Variants in ABCA13 observed in about 807,000 individuals in gnomAD.
ABCA13 encodes the protein ATP binding cassette subfamily A member 13, also known as ATP-binding cassette sub-family A member 13.
Under a neutral mutation model 478.7 loss-of-function variants are expected in ABCA13, and 476 were observed. The observed-to-expected ratio is 0.99, with a 90% CI of 0.92 to 1.07. The LOEUF is 1.07. Among genes scored for constraint, ABCA13 ranks in the 50% least tolerant of loss-of-function variants. ABCA13 has a pLI of 0.00. For synonymous variants in ABCA13, 2,252 were observed against 2,158.9 expected, an observed-to-expected ratio of 1.04 and a Z score of -1.20; for missense variants, 6,060 against 5,910.6, an observed-to-expected ratio of 1.03 and a Z score of -0.83.
intron 29 of ABCA13, among the ~76,000 whole-genome samples, chr7:48,339,309 AT>A (rs1267075192): frequency 6.6e-6 from 1 of 152,246 alleles, no homozygotes; most frequent in Non-Finnish European, 1.5e-5. Context: ...GGTTAATCAT[AT>A]TTTAAAATGT....
chr7:48,225,687 CTGTT>C (rs1401134983), intron 5 of ABCA13, among the ~76,000 whole-genome samples: 2 of 152,106 alleles, frequency 1.3e-5, no homozygotes, highest in Non-Finnish European at 2.9e-5. Flanking sequence ...TGCCTGATGT[CTGTT>C]CGTGATTGCA....
intron 1 of ABCA13, among the ~76,000 whole-genome samples, chr7:48,184,054 T>A (rs1584016713): frequency 6.6e-6 from 1 of 152,374 alleles, no homozygotes; most frequent in Middle Eastern, 3.4e-3. Flanking sequence ...AGCTTACTAA[T>A]ATTGTCAAAT....
At chr7:48,305,310 T>C (rs529631759) in intron 23 of ABCA13, among the ~76,000 whole-genome samples, 3 of 152,226 alleles carry the variant, frequency 2.0e-5, no homozygotes, top group South Asian at 2.1e-4. Flanking sequence ...TCAGTCCTTC[T>C]GGCCAGGTTC....
intron 55 of ABCA13, among the ~76,000 whole-genome samples, chr7:48,565,460 A>G (rs1260612291): frequency 6.6e-5 from 10 of 152,070 alleles, no homozygotes; most frequent in Admixed American, 6.6e-4. Context: ...AGTGATGTTT[A>G]AATACCAATC....
chr7:48,324,581 G>A (rs909235727), intron 27 of ABCA13, among the ~76,000 whole-genome samples: 5 of 152,154 alleles, frequency 3.3e-5, no homozygotes, highest in Non-Finnish European at 7.4e-5. Flanking sequence ...TGGTTTTGCA[G>A]CTGGTTATGG....
At chr7:48,263,195 G>A (rs1413006756) in intron 15 of ABCA13, among the ~76,000 whole-genome samples, 1 of 151,854 alleles carries the variant, frequency 6.6e-6, no homozygotes, top group African/African-American at 2.4e-5. Flanking sequence ...TTAAGAAGAC[G>A]CCTAGATGAC....
chr7:48,305,804 G>C (rs1293156715), intron 23 of ABCA13, among the ~76,000 whole-genome samples: 2 of 152,178 alleles, frequency 1.3e-5, no homozygotes, highest in East Asian at 3.9e-4. Flanking sequence ...AAGTGTGTAT[G>C]AGCCAGGCTC....
At chr7:48,404,194 C>T (rs545884115) in intron 39 of ABCA13, 1 of 348,278 alleles carries the variant, frequency 2.9e-6, no homozygotes, top group South Asian at 2.2e-5. Flanking sequence ...AAGAGGCATC[C>T]CAGATCATAG....
At chr7:48,527,772 C>CACACAT (rs1209801717) in intron 54 of ABCA13, among the ~76,000 whole-genome samples, 2 of 152,096 alleles carry the variant, frequency 1.3e-5, no homozygotes, top group Non-Finnish European at 2.9e-5. Context: ...GCACTACACA[C>CACACAT]ACACATACAC....
chr7:48,398,346 C>T lies in ABCA13; in HGVS notation c.11874-5337C>T, dbSNP rs542810456. On this transcript the variant is annotated intron_variant, in intron 38 of 61. Transcript: ENST00000435803. Reference sequence around the variant, plus strand: ...GCCAGGCAACCTTAATGATTATCAGCGCACAGAGTGTTACCTAGCAACAAA... The same window carrying T: ...GCCAGGCAACCTTAATGATTATCAGTGCACAGAGTGTTACCTAGCAACAAA... Among the ~76,000 whole-genome samples the T allele has an allele frequency of 4.9e-4, 75 of 152,260 alleles. 1 individual carries two copies. The highest frequency in any genetic ancestry group is 1.1e-3 in the African/African-American group (47 of 41,552).
intron 59 of ABCA13, among the ~76,000 whole-genome samples, chr7:48,633,095 A>G (rs1288066361): frequency 1.3e-5 from 2 of 152,216 alleles, no homozygotes; most frequent in Non-Finnish European, 2.9e-5. Flanking sequence ...TCAACATTAA[A>G]CATGTTTATG....
chr7:48,460,499 A>C (rs1336790775), intron 43 of ABCA13, among the ~76,000 whole-genome samples: 1 of 152,076 alleles, frequency 6.6e-6, no homozygotes, highest in Non-Finnish European at 1.5e-5. Flanking sequence ...CTCTGTGTCC[A>C]CATTTCCCTC....
intron 34 of ABCA13, among the ~76,000 whole-genome samples, chr7:48,374,985 A>G (rs1322497213): frequency 6.6e-6 from 1 of 152,218 alleles, no homozygotes; most frequent in Non-Finnish European, 1.5e-5. Context: ...CAAAAGATCT[A>G]GGCTGCATGT....
intron 15 of ABCA13, among the ~76,000 whole-genome samples, chr7:48,260,965 G>T (rs752386632): frequency 6.6e-6 from 1 of 151,762 alleles, no homozygotes; most frequent in Non-Finnish European, 1.5e-5. Flanking sequence ...TTGTAGGTAA[G>T]TGATTTTTAG....
At chr7:48,470,071 G>A (rs2217710) in intron 44 of ABCA13, among the ~76,000 whole-genome samples, 35 of 152,250 alleles carry the variant, frequency 2.3e-4, no homozygotes, top group Non-Finnish European at 4.4e-4. Context: ...CCACTTTAGG[G>A]AAATGCTTTG....
intron 29 of ABCA13, among the ~76,000 whole-genome samples, chr7:48,341,812 GATATATATATATATCTTTCTGATAT>G (rs1563084287): frequency 1.0e-4 from 5 of 48,384 alleles, no homozygotes; most frequent in African/African-American, 3.2e-4. Flanking sequence ...TTTCTTTTCT[GATATATATATATATCTTTCTGATAT>G]ATATATATAT....
intron 55 of ABCA13, among the ~76,000 whole-genome samples, chr7:48,564,883 C>T (rs929862354): frequency 7.9e-5 from 12 of 151,978 alleles, no homozygotes; most frequent in African/African-American, 2.7e-4. Flanking sequence ...ATTTACTATC[C>T]GGAATCTGTA....
chr7:48,393,403 T>C (rs1021761389), intron 38 of ABCA13, among the ~76,000 whole-genome samples: 2 of 152,302 alleles, frequency 1.3e-5, no homozygotes, highest in South Asian at 2.1e-4. Flanking sequence ...ACGTCAACCA[T>C]GGCGTGAGTG....
chr7:48,267,348 T>C (rs1194659217), intron 15 of ABCA13, among the ~76,000 whole-genome samples: 9 of 152,102 alleles, frequency 5.9e-5, no homozygotes, highest in Admixed American at 5.9e-4. Context: ...TGTTGTAATG[T>C]TCACAAACAT....
Sources: allele counts gnomAD v4.1 joint callset (sites outside exome capture counted in the v4.1 genomes callset), GRCh38; gene constraint gnomAD v4.1.1; transcripts MANE v1.5; gene names NCBI Gene and HGNC (gene_info 2026-07-23, HGNC 2026-07-21).